DTHD1: variants seen among roughly 807,000 people sequenced by gnomAD.
DTHD1 encodes the protein death domain-containing protein 1.
In DTHD1, 59 loss-of-function variants were observed where a neutral mutation model predicts 74.8. The observed-to-expected ratio is 0.79, with a 90% CI of 0.64 to 0.98. The LOEUF is 0.98. Among genes scored for constraint, DTHD1 ranks in the 50% least tolerant of loss-of-function variants. The pLI is 0.00. For synonymous variants in DTHD1, 365 were observed against 371.1 expected (o/e 0.98, Z 0.19); for missense variants, 1,051 against 1,065.4 (o/e 0.99, Z 0.19).
intron 2 of DTHD1, among the ~76,000 whole-genome samples, chr4:36,285,238 T>C (rs540629065): frequency 6.6e-6 from 1 of 152,310 alleles, no homozygotes; most frequent in African/African-American, 2.4e-5. Flanking sequence ...ATGAATACTT[T>C]GCAAATTACT....
Position 36,284,066 on chromosome 4 carries a change from G to A in DTHD1, c.362G>A (p.Cys121Tyr), listed in dbSNP as rs1432758591. The change falls in exon 2 of 10, where the codon TGT becomes TAT. Residue 121 changes from cysteine (C) to tyrosine (Y), a missense_variant. Physicochemically the swap from Cys to Tyr is radical, Grantham distance 194 (BLOSUM62 -2). Transcript: ENST00000639862. ...CTAAAGAAAGAAGAAAAGGAGATTT[G>A]TAATTTATGCGGCATGCATGATGAA... The part of the protein sequence containing the change: ...ALLKKEEKEI[C>Y]NLCGMHDECT... 2.6e-6 allele frequency: 4 copies of A among 1,537,182 alleles called. No individual in the cohort carries two copies. The highest frequency in any genetic ancestry group is 1.4e-5 in the African/African-American group (1 of 73,168).
chr4:36,317,871 A>T (rs1035809584), intron 8 of DTHD1, among the ~76,000 whole-genome samples: 37 of 152,224 alleles, frequency 2.4e-4, no homozygotes, highest in African/African-American at 8.7e-4. Flanking sequence ...GTGGCATTTT[A>T]TCTGAGCTTT....
intron 9 of DTHD1, among the ~76,000 whole-genome samples, chr4:36,342,152 A>C (rs775105505): frequency 5.9e-5 from 9 of 152,198 alleles, no homozygotes; most frequent in Non-Finnish European, 1.3e-4. Flanking sequence ...GTTGCTGATG[A>C]CGTGGATGGG....
At chr4:36,320,676 C>T (rs1445860270) in intron 8 of DTHD1, among the ~76,000 whole-genome samples, 1 of 152,054 alleles carries the variant, frequency 6.6e-6, no homozygotes, top group Non-Finnish European at 1.5e-5. Flanking sequence ...TCTTTTCAAA[C>T]TAGTATAACT....
In DTHD1 at chr4:36,341,629, C is replaced by T. The variant is rs192138804; in HGVS notation, c.2399-1873C>T. On this transcript the variant is annotated intron_variant, in intron 9 of 9. Transcript: ENST00000639862. ...ATAAAATAATTTACAGTTTGTTGAT[C>T]ACATTCAACATATTTTCCTAACCTC... Among the ~76,000 whole-genome samples, 417 of 152,278 alleles carry T rather than the reference C, an allele frequency of 2.7e-3. 20 individuals are homozygous for T. Among genetic ancestry groups the T allele is most frequent in the Admixed American group, 0.027 (408 of 15,290 alleles).
At position 36,316,261 on chromosome 4, in the gene DTHD1, A is replaced by G; in HGVS notation, c.2115A>G (p.Gly705=). 1.3e-6 allele frequency: 2 copies of G among 1,551,032 alleles called. No homozygotes were observed. Among genetic ancestry groups the G allele is most frequent in the Non-Finnish European group, 1.7e-6 (2 of 1,146,816 alleles). Residue 705 remains glycine (G), a synonymous_variant, in exon 8 of 10, where the codon GGA becomes GGG. Coordinates refer to ENST00000639862, the MANE Select transcript of DTHD1 (RefSeq NM_001170700.3). ...ATTTAGGCAACGGGAAGGATTATGG[A>G]AAAGACTACACACTTATTTTTCACT... is the stretch of plus-strand genomic sequence containing the variant. The part of the protein sequence containing the change: ...IFASSNGKDY[G]KDYTLIFHLQ...
intron 7 of DTHD1, among the ~76,000 whole-genome samples, chr4:36,315,295 T>G (rs561257782): frequency 6.6e-6 from 1 of 152,216 alleles, no homozygotes; most frequent in Admixed American, 6.5e-5. Flanking sequence ...CATTTATATA[T>G]TATCATTTTA....
chr4:36,284,858 AG>A (rs1755610727), intron 2 of DTHD1, among the ~76,000 whole-genome samples: 1 of 152,136 alleles, frequency 6.6e-6, no homozygotes, highest in South Asian at 2.1e-4. Context: ...AAAGTGAACA[AG>A]CTCCCTTGGG....
rs1015060956 is a variant in DTHD1, at chr4:36,317,744, T to C, written c.2340+1258T>C. ...GTAAAATAGTAACTGATTGAAGTTA[T>C]ATTTAGGTGATATAAACAGTGGTAC... On this transcript the variant is annotated intron_variant, in intron 8 of 9. Coordinates refer to ENST00000639862, the MANE Select transcript of DTHD1 (RefSeq NM_001170700.3). Among the ~76,000 whole-genome samples the C allele has an allele frequency of 9.2e-5, 14 of 152,236 alleles. 1 individual carries two copies. The highest frequency in any genetic ancestry group is 9.2e-4 in the Admixed American group (14 of 15,286).
chr4:36,286,883 C>T (rs1009495449), intron 2 of DTHD1, among the ~76,000 whole-genome samples: 3 of 152,102 alleles, frequency 2.0e-5, no homozygotes, highest in African/African-American at 7.2e-5. Context: ...TTTTTAAGAC[C>T]ACCATTATAT....
intron 9 of DTHD1, among the ~76,000 whole-genome samples, chr4:36,340,911 A>G (rs1392648140): frequency 1.3e-5 from 2 of 152,002 alleles, no homozygotes; most frequent in African/African-American, 4.8e-5. Flanking sequence ...TGGAAGGAAG[A>G]CAGCTGGCAA....
At position 36,339,133 on chromosome 4, in the gene DTHD1, CCA is replaced by C. The variant is rs1560821839; in HGVS notation, c.2365_2366del (p.Gln789GlufsTer7). 2 of 1,547,560 alleles carry C rather than the reference CCA, an allele frequency of 1.3e-6. No individual in the cohort carries two copies. Among genetic ancestry groups the C allele is most frequent in the Admixed American group, 2.0e-5 (1 of 50,766 alleles). The part of the protein sequence containing the change: ...LPKHKKLINR[P>X]QSTKRVSKDP... ...ATAGCATAAGAAATTAATCAACCGT[CCA>C]CAGAGTACCAAAAGAGTTTCTAAGG... On this transcript the variant is annotated frameshift_variant, in exon 9 of 10. Coordinates refer to ENST00000639862, the MANE Select transcript of DTHD1 (RefSeq NM_001170700.3). LOFTEE classifies it high-confidence loss of function.
rs770529433 is a variant in DTHD1, at chr4:36,308,326, A to T, written c.1928A>T (p.Asn643Ile). 2 of 1,551,972 alleles carry T rather than the reference A, an allele frequency of 1.3e-6. No homozygotes were observed. Among genetic ancestry groups the T allele is most frequent in the East Asian group, 2.4e-5 (1 of 40,928 alleles). The change falls in exon 7 of 10, where the codon AAT becomes ATT. Residue 643 changes from asparagine to isoleucine, a missense_variant. By Grantham distance (149) the Asn-to-Ile change is moderately radical. Transcript: ENST00000639862. ...ACIVLSHQKD[N>I]PHRIAVLVVP... Reference sequence around the variant, plus strand: ...ATAGTACTGTCTCACCAGAAGGACAATCCACATAGAATAGCTGTTTTAGTG... The same window carrying T: ...ATAGTACTGTCTCACCAGAAGGACATTCCACATAGAATAGCTGTTTTAGTG...
chr4:36,326,962 CTT>C (rs201334706), intron 8 of DTHD1, among the ~76,000 whole-genome samples: 4 of 145,516 alleles, frequency 2.7e-5, no homozygotes, highest in African/African-American at 7.6e-5. Context: ...ATTTGTTTTT[CTT>C]TTTTTTTTTT....
At position 36,283,862 on chromosome 4, in the gene DTHD1, G is replaced by A. The variant is rs767626974; in HGVS notation, c.272-114G>A. The A allele has an allele frequency of 4.0e-4, 294 of 742,076 alleles. 1 individual carries two copies. The highest frequency in any genetic ancestry group is 1.7e-4 in the Admixed American group (6 of 34,628). 46.0% of individuals were successfully genotyped at this position (742,076 alleles called of 1,614,324 possible). On this transcript the variant is annotated intron_variant, in intron 1 of 9. Coordinates refer to ENST00000639862, the MANE Select transcript of DTHD1 (RefSeq NM_001170700.3). ...GAGTTTGGCTTAAATGCACAGTAAA[G>A]GTCTTTGTAGGTTTCTAAAATTATC...
chr4:36,316,207 C>A (rs1757715912), intron 7 of DTHD1, 35 bp from the exon 8 acceptor site: 1 of 1,541,302 alleles, frequency 6.5e-7, no homozygotes, highest in African/African-American at 1.4e-5. Flanking sequence ...AGTGAGATAA[C>A]TTAATGGTAA....
intron 7 of DTHD1, among the ~76,000 whole-genome samples, chr4:36,313,128 T>G (rs1002357463): frequency 2.6e-5 from 4 of 152,218 alleles, no homozygotes; most frequent in African/African-American, 4.8e-5. Context: ...CATTTGTATT[T>G]TCTATGTCAT....
At chr4:36,296,375 G>A (rs1016716801) in intron 5 of DTHD1, among the ~76,000 whole-genome samples, 1 of 151,928 alleles carries the variant, frequency 6.6e-6, no homozygotes, top group Non-Finnish European at 1.5e-5. Flanking sequence ...TCAAGATATC[G>A]AGAACAAGCA....
intron 5 of DTHD1, among the ~76,000 whole-genome samples, chr4:36,298,847 T>G (rs954583577): frequency 1.3e-5 from 2 of 152,178 alleles, no homozygotes. Flanking sequence ...AAATGGTTTT[T>G]GCCCATGAAA....
Sources: gnomAD v4.1 joint callset for allele counts (sites outside exome capture counted in the v4.1 genomes callset) on GRCh38, gnomAD v4.1.1 for gene constraint, MANE v1.5 for transcripts, NCBI Gene and HGNC (gene_info 2026-07-23, HGNC 2026-07-21) for gene names.